Variants in NLGN1 observed in about 807,000 individuals in gnomAD.
NLGN1 encodes neuroligin-1.
A neutral mutation model predicts 65.5 loss-of-function variants in NLGN1; 12 were observed. That is an observed-to-expected ratio of 0.18 (90% CI 0.12 to 0.30). The LOEUF is 0.30. Among genes scored for constraint, NLGN1 ranks in the 10% least tolerant of loss-of-function variants. The pLI, the probability that NLGN1 is intolerant of heterozygous loss-of-function variation, is 1.00. For synonymous variants in NLGN1, 350 were observed against 359.5 expected (o/e 0.97, Z 0.30); for missense variants, 750 against 1,007.1 (o/e 0.74, Z 3.46).
In NLGN1 at chr3:173,566,375, G is replaced by A. The variant is rs187644243; in HGVS notation, c.-320-37904G>A. Reference sequence around the variant, plus strand: ...ACAAATTGGTTAATTGTATGGGCTAGTAGGTCACCCAAATATGTGTAATTG... The same window carrying A: ...ACAAATTGGTTAATTGTATGGGCTAATAGGTCACCCAAATATGTGTAATTG... On this transcript the variant is annotated intron_variant, in intron 2 of 6. Coordinates refer to ENST00000457714, the Ensembl canonical transcript of NLGN1. Among the ~76,000 whole-genome samples the A allele has an allele frequency of 1.2e-4, 18 of 152,258 alleles. No individual in the cohort carries two copies. The East Asian group carries it at 3.5e-3, about 29-fold the overall frequency.
At chr3:173,555,919 C>G (rs1411000496) in intron 2 of NLGN1, among the ~76,000 whole-genome samples, 1 of 152,098 alleles carries the variant, frequency 6.6e-6, no homozygotes, top group Non-Finnish European at 1.5e-5. Context: ...ACAATAAAGC[C>G]TCTTGGCCTA....
At chr3:174,053,264 C>G (rs1270822126) in intron 4 of NLGN1, among the ~76,000 whole-genome samples, 1 of 151,832 alleles carries the variant, frequency 6.6e-6, no homozygotes, top group Non-Finnish European at 1.5e-5. Context: ...AAATATTTTG[C>G]TCTACTCAGG....
At chr3:173,889,777 G>T (rs73182686) in intron 4 of NLGN1, among the ~76,000 whole-genome samples, 36 of 147,188 alleles carry the variant, frequency 2.4e-4, no homozygotes, top group Non-Finnish European at 5.0e-4. Flanking sequence ...GTTTAATTCA[G>T]ATGCATCCAA....
chr3:173,779,399 A>G (rs914862264), intron 3 of NLGN1, among the ~76,000 whole-genome samples: 15 of 152,054 alleles, frequency 9.9e-5, no homozygotes, highest in Admixed American at 5.9e-4. Flanking sequence ...AGTGGAAAAT[A>G]TTTGGCTGAA....
chr3:174,191,738 T>C (rs1732428210), intron 4 of NLGN1, among the ~76,000 whole-genome samples: 1 of 152,166 alleles, frequency 6.6e-6, no homozygotes, highest in Admixed American at 6.6e-5. Flanking sequence ...AGATGCTGTA[T>C]CCCAGGCTTC....
chr3:173,874,956 G>A (rs1731847270), intron 4 of NLGN1, among the ~76,000 whole-genome samples: 1 of 152,152 alleles, frequency 6.6e-6, no homozygotes, highest in South Asian at 2.1e-4. Flanking sequence ...TTTTTGAAGT[G>A]CTTAGGTGAA....
chr3:174,076,714 AGAGAGAGAG>A (rs1741026655), intron 4 of NLGN1, among the ~76,000 whole-genome samples: 1 of 135,464 alleles, frequency 7.4e-6, no homozygotes, highest in Non-Finnish European at 1.6e-5. Flanking sequence ...AGAGAGAGAG[AGAGAGAGAG>A]AGTGTGTGTG....
At chr3:173,927,394 G>T (rs1213031516) in intron 4 of NLGN1, among the ~76,000 whole-genome samples, 1 of 152,058 alleles carries the variant, frequency 6.6e-6, no homozygotes, top group African/African-American at 2.4e-5. Flanking sequence ...TAAAAGTGTA[G>T]AGTTTAGCCT....
intron 2 of NLGN1, among the ~76,000 whole-genome samples, chr3:173,551,481 T>C (rs778592827): frequency 6.6e-6 from 1 of 152,186 alleles, no homozygotes; most frequent in Non-Finnish European, 1.5e-5. Context: ...AAATATTGTG[T>C]TTGACATCAA....
chr3:173,478,895 T>TA (rs1553862541), intron 2 of NLGN1, among the ~76,000 whole-genome samples: 130 of 142,900 alleles, frequency 9.1e-4, no homozygotes, highest in African/African-American at 2.9e-3. Context: ...GTGTCTCGAT[T>TA]AAAAAAAAAA....
chr3:173,855,420 A>G (rs1394589070), intron 4 of NLGN1, among the ~76,000 whole-genome samples: 1 of 152,104 alleles, frequency 6.6e-6, no homozygotes, highest in Non-Finnish European at 1.5e-5. Context: ...ACTAGAAATC[A>G]ACTAATAACA....
chr3:174,275,537 A>G lies in NLGN1; in HGVS notation c.859+10A>G, dbSNP rs777130224. ...AGCAATTCAACCAAAGGTATTATGCAAGGTTGCAAATTTTGACAATTTTGG... is the reference window on the plus strand; with the variant it reads ...AGCAATTCAACCAAAGGTATTATGCGAGGTTGCAAATTTTGACAATTTTGG... On this transcript the variant is annotated intron_variant, in intron 5 of 6. Transcript: ENST00000457714. 3 of 1,606,738 alleles carry G rather than the reference A, an allele frequency of 1.9e-6. No individual in the cohort carries two copies. Among genetic ancestry groups the G allele is most frequent in the Non-Finnish European group, 2.6e-6 (3 of 1,174,648 alleles).
chr3:173,608,676 C>T (rs534855936), intron 3 of NLGN1, among the ~76,000 whole-genome samples: 1 of 151,764 alleles, frequency 6.6e-6, no homozygotes, highest in Middle Eastern at 3.4e-3. Flanking sequence ...GATAGATTTC[C>T]GTTATGTTAA....
chr3:173,573,725 A>G (rs2149339973), intron 2 of NLGN1, among the ~76,000 whole-genome samples: 1 of 151,602 alleles, frequency 6.6e-6, no homozygotes, highest in South Asian at 2.1e-4. Flanking sequence ...GGGAAGAGGA[A>G]GGATAGAGAA....
intron 3 of NLGN1, among the ~76,000 whole-genome samples, chr3:173,731,759 A>G (rs1772888331): frequency 6.6e-6 from 1 of 152,124 alleles, no homozygotes; most frequent in Non-Finnish European, 1.5e-5. Context: ...TTCTGTACCT[A>G]TAATTTACAT....
chr3:173,995,341 C>T (rs1044756766), intron 4 of NLGN1, among the ~76,000 whole-genome samples: 3 of 152,136 alleles, frequency 2.0e-5, no homozygotes, highest in African/African-American at 7.2e-5. Context: ...CTTTCCTTCA[C>T]AGGGACATGG....
chr3:173,687,767 C>T (rs1168533619), intron 3 of NLGN1, among the ~76,000 whole-genome samples: 6 of 152,174 alleles, frequency 3.9e-5, no homozygotes, highest in Non-Finnish European at 7.3e-5. Context: ...ATTCTTCACT[C>T]TACAGGAATG....
intron 4 of NLGN1, among the ~76,000 whole-genome samples, chr3:174,182,943 A>C (rs1013059471): frequency 2.0e-5 from 3 of 152,140 alleles, no homozygotes; most frequent in Non-Finnish European, 4.4e-5. Context: ...CTAAAATACA[A>C]AACCGACTTT....
chr3:174,277,650 T>C (rs1015734433), intron 5 of NLGN1, among the ~76,000 whole-genome samples: 1 of 151,928 alleles, frequency 6.6e-6, no homozygotes, highest in African/African-American at 2.4e-5. Flanking sequence ...AAAATACTTA[T>C]AAAGATGTCA....
Sources: allele counts gnomAD v4.1 joint callset (sites outside exome capture counted in the v4.1 genomes callset), GRCh38; gene constraint gnomAD v4.1.1; transcripts MANE v1.5; gene names NCBI Gene and HGNC (gene_info 2026-07-23, HGNC 2026-07-21).